Variants in LRBA observed in about 807,000 individuals in gnomAD.
The protein encoded by LRBA is LPS responsive beige-like anchor protein.
LRBA carries 176 observed loss-of-function variants against 330.0 expected under a neutral mutation model. That is an observed-to-expected ratio of 0.53 (90% CI 0.47 to 0.60). LRBA has a LOEUF of 0.60. Ranked by LOEUF, LRBA falls within the 20% of genes least tolerant of loss-of-function variation. The probability of loss-of-function intolerance (pLI) is 0.00; values close to 1 mark genes in which losing one functional copy is unlikely to be tolerated. For missense variants in LRBA, 3,259 were observed against 3,444.8 expected (o/e 0.95, Z 1.35); for synonymous variants, 1,230 against 1,193.0 (o/e 1.03, Z -0.64).
intron 36 of LRBA, among the ~76,000 whole-genome samples, chr4:150,684,915 T>C (rs900321721): frequency 1.3e-5 from 2 of 152,074 alleles, no homozygotes; most frequent in African/African-American, 4.8e-5. Flanking sequence ...CAGCAACAAA[T>C]AGGAGTCCTG....
At chr4:150,913,587 A>G (rs1199801515) in intron 9 of LRBA, among the ~76,000 whole-genome samples, 1 of 152,160 alleles carries the variant, frequency 6.6e-6, no homozygotes, top group Non-Finnish European at 1.5e-5. Flanking sequence ...TTACTTATTG[A>G]TCTTCTGTCT....
intron 38 of LRBA, among the ~76,000 whole-genome samples, chr4:150,596,146 C>T (rs1323034113): frequency 2.0e-5 from 3 of 151,666 alleles, no homozygotes; most frequent in Non-Finnish European, 4.4e-5. Flanking sequence ...TTACCTAAAG[C>T]TTTTTTCCCC....
intron 40 of LRBA, among the ~76,000 whole-genome samples, chr4:150,493,684 G>A (rs2152108605): frequency 6.6e-6 from 1 of 152,244 alleles, no homozygotes; most frequent in Admixed American, 6.5e-5. Flanking sequence ...AATGTGATGT[G>A]AGCATTCACT....
intron 37 of LRBA, among the ~76,000 whole-genome samples, chr4:150,642,329 T>C (rs144857581): frequency 0.02 from 2,989 of 151,930 alleles, 43 homozygotes; most frequent in Middle Eastern, 0.065. Context: ...TACTAGGCCA[T>C]CAAAAAAAGA....
chr4:150,284,188 G>A (rs1747881866), intron 54 of LRBA, among the ~76,000 whole-genome samples: 1 of 152,194 alleles, frequency 6.6e-6, no homozygotes, highest in Admixed American at 6.5e-5. Context: ...AGTTAGGGAA[G>A]AAGGTGTAAC....
chr4:150,870,490 A>G, intron 20 of LRBA, 35 bp downstream of exon 20: 1 of 1,102,010 alleles, frequency 9.1e-7, no homozygotes, highest in Non-Finnish European at 1.4e-6. Flanking sequence ...TAAGTAGCAA[A>G]AGGTAGTTTT....
At position 150,761,783 on chromosome 4, in the gene LRBA, C is replaced by T; in HGVS notation, c.5645G>A (p.Arg1882Lys). ...AATGAATTAAAATAAAATAAATTAC[C>T]TTCCTTCATTGACAAGTTCGATAAA... ...LAFIELVNEGRLLSQTMKDHL... is the reference protein window; with the variant it reads ...LAFIELVNEGKLLSQTMKDHL... Residue 1882 changes from arginine to lysine, a missense_variant and splice_region_variant, in exon 35 of 57, where the codon AGG becomes AAG. Coordinates refer to ENST00000651943, the MANE Select transcript of LRBA (RefSeq NM_001364905.1). The T allele has an allele frequency of 6.6e-7, 1 of 1,520,766 alleles. No homozygotes were observed. Among genetic ancestry groups the T allele is most frequent in the Non-Finnish European group, 8.9e-7 (1 of 1,129,352 alleles). The allele number at this position is 1,520,766 out of a possible 1,614,324, so 94.2% of individuals were successfully genotyped here.
intron 37 of LRBA, among the ~76,000 whole-genome samples, chr4:150,623,448 G>A (rs1047151922): frequency 2.0e-5 from 3 of 152,008 alleles, no homozygotes; most frequent in Admixed American, 2.0e-4. Flanking sequence ...AATAGTATAT[G>A]CCTGTTAAAA....
rs1403855290 is a variant in LRBA at position 150,302,713 on chromosome 4, A to G, written c.7929T>C (p.Asn2643=). ...LARSESYIGG[N]CYILSGSRDA... is the part of the protein sequence containing the mutation. ...CACGTGACCCTGAGAGAATGTAGCA[A>G]TTTCCCCCAATATATGACTCAGAAC... The change falls in exon 53 of 57, where the codon AAT becomes AAC. Residue 2643 remains asparagine (N), a synonymous_variant. Transcript: ENST00000651943. The G allele has an allele frequency of 1.2e-6, 2 of 1,613,140 alleles. No individual in the cohort carries two copies. Among genetic ancestry groups the G allele is most frequent in the South Asian group, 1.1e-5 (1 of 90,952 alleles).
chr4:150,641,708 G>C (rs1778696766), intron 37 of LRBA, among the ~76,000 whole-genome samples: 1 of 151,974 alleles, frequency 6.6e-6, no homozygotes, highest in South Asian at 2.1e-4. Context: ...ATATGCACAA[G>C]GGCAAGAATT....
At chr4:150,649,859 T>C (rs1779547048) in intron 37 of LRBA, among the ~76,000 whole-genome samples, 2 of 152,138 alleles carry the variant, frequency 1.3e-5, no homozygotes, top group African/African-American at 4.8e-5. Context: ...AGATGAAGTA[T>C]CATTCAAAAT....
At chr4:150,894,636 G>A (rs756578725) in intron 16 of LRBA, among the ~76,000 whole-genome samples, 4 of 152,164 alleles carry the variant, frequency 2.6e-5, no homozygotes, top group Admixed American at 6.5e-5. Flanking sequence ...AATTTTTGCT[G>A]TGGAAGCTAC....
chr4:150,803,006 G>A (rs566964656), intron 33 of LRBA, among the ~76,000 whole-genome samples: 11 of 140,644 alleles, frequency 7.8e-5, no homozygotes, highest in South Asian at 4.5e-4. Context: ...TGGGTGGCAC[G>A]GTGAGACTCT....
intron 22 of LRBA, among the ~76,000 whole-genome samples, chr4:150,863,022 G>T (rs1437592478): frequency 6.6e-6 from 1 of 151,770 alleles, no homozygotes; most frequent in African/African-American, 2.4e-5. Context: ...ATTCTAACCG[G>T]GTGTGTGGCT....
intron 47 of LRBA, among the ~76,000 whole-genome samples, chr4:150,358,614 T>C (rs1162989339): frequency 2.6e-5 from 4 of 152,158 alleles, no homozygotes; most frequent in African/African-American, 9.7e-5. Flanking sequence ...ATAAACTAGT[T>C]ATAAACATAG....
chr4:151,000,173 T>C (rs1302637180), intron 2 of LRBA, among the ~76,000 whole-genome samples: 1 of 152,178 alleles, frequency 6.6e-6, no homozygotes, highest in Admixed American at 6.5e-5. Flanking sequence ...AAACCTCAAT[T>C]TAACAATGGA....
chr4:150,825,968 A>G (rs963983967), intron 30 of LRBA, among the ~76,000 whole-genome samples: 1 of 152,126 alleles, frequency 6.6e-6, no homozygotes, highest in African/African-American at 2.4e-5. Flanking sequence ...ACCAGGAGGC[A>G]AAAAAACAAA....
intron 38 of LRBA, among the ~76,000 whole-genome samples, chr4:150,596,160 C>T (rs1773461514): frequency 6.6e-6 from 1 of 151,738 alleles, no homozygotes; most frequent in African/African-American, 2.4e-5. Context: ...TTTCCCCAAG[C>T]AAGTTAATGT....
rs1034400222 is a variant in LRBA, at chr4:150,613,570, T to A, written c.5922-14439A>T. Among the ~76,000 whole-genome samples, 5 of 152,014 alleles carry A rather than the reference T, an allele frequency of 3.3e-5. 1 individual carries two copies. Among genetic ancestry groups the A allele is most frequent in the African/African-American group, 1.2e-4 (5 of 41,418 alleles). ...GCTATAGAGGGCAGGGGCCAGATCATGAAGAATCATTTTAGGAGTCTGGCT... is the reference window on the plus strand; with the variant it reads ...GCTATAGAGGGCAGGGGCCAGATCAAGAAGAATCATTTTAGGAGTCTGGCT... On this transcript the variant is annotated intron_variant, in intron 37 of 56. Coordinates refer to ENST00000651943, the MANE Select transcript of LRBA (RefSeq NM_001364905.1).
Sources: allele counts gnomAD v4.1 joint callset (sites outside exome capture counted in the v4.1 genomes callset), GRCh38; gene constraint gnomAD v4.1.1; transcripts MANE v1.5; gene names NCBI Gene and HGNC (gene_info 2026-07-23, HGNC 2026-07-21).